Variants in AP4S1 observed in about 807,000 individuals in gnomAD.
The protein encoded by AP4S1 is AP-4 complex subunit sigma-1.
In AP4S1, 23 loss-of-function variants were observed where a neutral mutation model predicts 19.8. The ratio of observed to expected loss-of-function variants is 1.16; its 90% CI spans 0.84 to 1.65. The LOEUF (loss-of-function observed/expected upper bound fraction) is 1.65, where lower values mean the gene tolerates loss of function less well. Among genes scored for constraint, AP4S1 ranks in the 40% most tolerant of loss-of-function variants. The probability of loss-of-function intolerance (pLI) is 0.00; values close to 1 mark genes in which losing one functional copy is unlikely to be tolerated. For missense variants in AP4S1, 166 were observed against 172.8 expected, an observed-to-expected ratio of 0.96 and a Z score of 0.22; for synonymous variants, 46 against 54.1, an observed-to-expected ratio of 0.85 and a Z score of 0.66.
chr14:31,053,178 T>G (rs914322679), intron 1 of AP4S1, among the ~76,000 whole-genome samples: 1 of 152,134 alleles, frequency 6.6e-6, no homozygotes, highest in East Asian at 1.9e-4. Context: ...AGATCCCAGG[T>G]GATCCACCCA....
chr14:31,073,451 C>T (rs1490440857), intron 4 of AP4S1, among the ~76,000 whole-genome samples: 1 of 145,376 alleles, frequency 6.9e-6, no homozygotes, highest in African/African-American at 2.5e-5. Flanking sequence ...GATCCCGCCA[C>T]TGCACTCCAG....
chr14:31,045,493 G>A (rs112944999), intron 1 of AP4S1, among the ~76,000 whole-genome samples: 1,679 of 152,182 alleles, frequency 0.011, 34 homozygotes, highest in East Asian at 0.07. Context: ...GCACTTGTCC[G>A]TCCTGCTGCC....
At chr14:31,083,627 C>A (rs1375768380) in intron 5 of AP4S1, 1 of 447,432 alleles carries the variant, frequency 2.2e-6, no homozygotes, top group East Asian at 7.0e-5. Context: ...ACCTCAGCCT[C>A]CCAAGTAGCT....
intron 1 of AP4S1, among the ~76,000 whole-genome samples, chr14:31,031,096 TC>T (rs1884363354): frequency 1.3e-5 from 2 of 152,142 alleles, no homozygotes; most frequent in African/African-American, 4.8e-5. Flanking sequence ...TATAAAGGGC[TC>T]TTCTCCCTTC....
intron 1 of AP4S1, among the ~76,000 whole-genome samples, chr14:31,042,544 A>G (rs1885168462): frequency 6.6e-6 from 1 of 152,186 alleles, no homozygotes; most frequent in African/African-American, 2.4e-5. Flanking sequence ...ACAGACACAG[A>G]GATGATTAAG....
intron 2 of AP4S1, among the ~76,000 whole-genome samples, chr14:31,069,458 CA>C (rs1397977764): frequency 6.6e-6 from 1 of 151,980 alleles, no homozygotes; most frequent in Non-Finnish European, 1.5e-5. Flanking sequence ...TAATTGCTTC[CA>C]AAAAAATCTT....
intron 1 of AP4S1, among the ~76,000 whole-genome samples, chr14:31,041,082 A>AC (rs1885083302): frequency 6.6e-6 from 1 of 151,716 alleles, no homozygotes; most frequent in African/African-American, 2.4e-5. Context: ...TCTCAAAAAA[A>AC]AAAAAAAAGT....
At chr14:31,047,648 G>A (rs561772140) in intron 1 of AP4S1, among the ~76,000 whole-genome samples, 1 of 152,118 alleles carries the variant, frequency 6.6e-6, no homozygotes, top group East Asian at 1.9e-4. Context: ...GCCCGCCTCA[G>A]CCTCCCAAAG....
At chr14:31,082,070 G>A (rs1887666147) in intron 5 of AP4S1, among the ~76,000 whole-genome samples, 1 of 152,018 alleles carries the variant, frequency 6.6e-6, no homozygotes, top group South Asian at 2.1e-4. Flanking sequence ...AGTATTTCTG[G>A]GGAAATTGCT....
chr14:31,078,674 G>A (rs1372408380), intron 4 of AP4S1, among the ~76,000 whole-genome samples: 1 of 152,146 alleles, frequency 6.6e-6, no homozygotes, highest in African/African-American at 2.4e-5. Flanking sequence ...CAGTAACTGA[G>A]AATAAATAGC....
chr14:31,039,735 C>T (rs1320717441), intron 1 of AP4S1, among the ~76,000 whole-genome samples: 8 of 151,474 alleles, frequency 5.3e-5, no homozygotes, highest in Non-Finnish European at 8.8e-5. Context: ...GGACTACAGG[C>T]GCGCGCCACC....
intron 1 of AP4S1, among the ~76,000 whole-genome samples, chr14:31,027,697 A>G (rs1179905815): frequency 6.6e-6 from 1 of 152,216 alleles, no homozygotes; most frequent in Admixed American, 6.5e-5. Flanking sequence ...AATGTAACAT[A>G]TACATAAGAG....
At chr14:31,086,206 A>C (rs1439101539) in intron 5 of AP4S1, 1 of 152,256 alleles carries the variant, frequency 6.6e-6, no homozygotes, top group Non-Finnish European at 1.5e-5. Flanking sequence ...ATACTTGTTC[A>C]AACTGAGGCT....
rs1304254473 is a variant in AP4S1, at chr14:31,095,794, T to C, written c.*2759T>C. 6.6e-6 allele frequency: 1 copy of C among 152,100 alleles called. No homozygotes were observed. The allele number at this position is 152,100 out of a possible 1,614,324, so 9.4% of individuals were successfully genotyped here. A position where few individuals can be genotyped will look rare whatever the true frequency, so the allele number is the denominator to read the frequency against. On this transcript the variant is annotated 3_prime_UTR_variant, in exon 6 of 6. Coordinates refer to ENST00000542754, the MANE Select transcript of AP4S1 (RefSeq NM_001128126.3). ...TGAAATTTAGTTCAAAGTTTAAAAG[T>C]AGAATGCAGCCAGGCATGGTGGCTT...
chr14:31,049,244 T>A (rs1419360803), intron 1 of AP4S1, among the ~76,000 whole-genome samples: 1 of 150,716 alleles, frequency 6.6e-6, no homozygotes, highest in Non-Finnish European at 1.5e-5. Flanking sequence ...AAACCCTGTC[T>A]CTACTAAAAA....
At chr14:31,060,040 T>C (rs1886349277) in intron 1 of AP4S1, among the ~76,000 whole-genome samples, 1 of 147,432 alleles carries the variant, frequency 6.8e-6, no homozygotes, top group South Asian at 2.1e-4. Context: ...TGTATATATG[T>C]ATATATATTT....
rs1888181444 is a variant in AP4S1 at position 31,095,633 on chromosome 14, G to A, written c.*2598G>A. On this transcript the variant is annotated 3_prime_UTR_variant, in exon 6 of 6. Transcript: ENST00000542754. Reference sequence around the variant, plus strand: ...AGGGTTTCACTATGTTGCCCAGACTGGTCTCGAATTCCTGCAGTCACATGA... The same window carrying A: ...AGGGTTTCACTATGTTGCCCAGACTAGTCTCGAATTCCTGCAGTCACATGA... 2 of 152,156 alleles carry A rather than the reference G, an allele frequency of 1.3e-5. No homozygotes were observed. The highest frequency in any genetic ancestry group is 2.9e-5 in the Non-Finnish European group (2 of 68,058). 9.4% of individuals were successfully genotyped at this position (152,156 alleles called of 1,614,324 possible).
intron 1 of AP4S1, among the ~76,000 whole-genome samples, chr14:31,047,476 T>C (rs1229814625): frequency 1.5e-4 from 23 of 151,066 alleles, no homozygotes; most frequent in Non-Finnish European, 3.4e-4. Flanking sequence ...CAAGCTCTGC[T>C]TCCTGGGTTC....
At chr14:31,080,754 C>A in intron 5 of AP4S1, 170 bp downstream of exon 5, 3 of 868,364 alleles carry the variant, frequency 3.5e-6, no homozygotes, top group South Asian at 1.3e-5. Context: ...TCCTCCCCAA[C>A]TTCGTCACCC....
Sources: allele counts gnomAD v4.1 joint callset (sites outside exome capture counted in the v4.1 genomes callset), GRCh38; gene constraint gnomAD v4.1.1; transcripts MANE v1.5; gene names NCBI Gene and HGNC (gene_info 2026-07-23, HGNC 2026-07-21).